Variants in STIM2 observed in about 807,000 individuals in gnomAD.
The protein encoded by STIM2 is stromal interaction molecule 2.
Under a neutral mutation model 85.8 loss-of-function variants are expected in STIM2, and 31 were observed. The observed-to-expected ratio is 0.36, with a 90% CI of 0.27 to 0.49. STIM2 has a LOEUF of 0.49. STIM2 is among the 20% of genes least tolerant of loss of function. The pLI is 0.98. For missense variants in STIM2, 841 were observed against 927.6 expected (o/e 0.91, Z 1.21); for synonymous variants, 356 against 331.1 (o/e 1.08, Z -0.82).
At chr4:26,960,776 T>C (rs1284227134) in intron 3 of STIM2, among the ~76,000 whole-genome samples, 5 of 152,120 alleles carry the variant, frequency 3.3e-5, no homozygotes, top group Admixed American at 3.3e-4. Flanking sequence ...ATAAAAATAC[T>C]AGTACAGGCC....
intron 7 of STIM2, among the ~76,000 whole-genome samples, chr4:27,005,444 T>G (rs991789209): frequency 5.3e-5 from 8 of 152,218 alleles, no homozygotes; most frequent in African/African-American, 1.9e-4. Flanking sequence ...GAAAAGAAGT[T>G]TTCAGATGTT....
At chr4:27,021,644 TAAAAATCACTTTA>T (rs1560243972) in intron 11 of STIM2, 1 of 456,670 alleles carries the variant, frequency 2.2e-6, no homozygotes, top group Non-Finnish European at 4.4e-6. Context: ...CTTGAGTTTT[TAAAAATCACTTTA>T]ATGGCTGTGT....
chr4:26,959,593 G>A (rs931812290), intron 3 of STIM2, among the ~76,000 whole-genome samples: 12 of 151,908 alleles, frequency 7.9e-5, no homozygotes, highest in Non-Finnish European at 1.5e-4. Context: ...AATGTTGTAT[G>A]TTTTGTTTAT....
rs957221135 is a variant in STIM2, at chr4:27,024,147, A to G, written c.*1151A>G. ...GTAGTTTGAAATGTAAAAATGTTCT[A>G]ATATCAAGATTAACAAATATAAATT... On this transcript the variant is annotated 3_prime_UTR_variant, in exon 12 of 12. Transcript: ENST00000467087. 6.6e-6 allele frequency: 1 copy of G among 152,218 alleles called. No homozygotes were observed. The highest frequency in any genetic ancestry group is 1.5e-5 in the Non-Finnish European group (1 of 67,948). 9.4% of individuals were successfully genotyped at this position (152,218 alleles called of 1,614,324 possible).
intron 2 of STIM2, among the ~76,000 whole-genome samples, chr4:26,946,706 A>G (rs79756935): frequency 5.3e-4 from 80 of 152,350 alleles, no homozygotes; most frequent in Non-Finnish European, 9.7e-4. Context: ...GAATGGCTTT[A>G]TATCCCTTAA....
chr4:26,974,122 G>GT (rs1425258027), intron 3 of STIM2, among the ~76,000 whole-genome samples: 1 of 152,028 alleles, frequency 6.6e-6, no homozygotes, highest in African/African-American at 2.4e-5. Context: ...TTGAGCCTAT[G>GT]TAAGTCTTTG....
intron 10 of STIM2, among the ~76,000 whole-genome samples, chr4:27,016,482 G>A (rs1463579922): frequency 2.6e-5 from 4 of 152,166 alleles, no homozygotes; most frequent in African/African-American, 9.7e-5. Context: ...CAAGTTGGGA[G>A]CAGTTTTTTA....
Position 26,972,224 on chromosome 4 carries a change from C to G in STIM2, c.397+14498C>G, listed in dbSNP as rs181808206. 1.6e-3 allele frequency among the ~76,000 whole-genome samples: 240 copies of G among 152,238 alleles called. 1 individual carries two copies. Among genetic ancestry groups the G allele is most frequent in the Non-Finnish European group, 6.8e-4 (46 of 68,008 alleles). On this transcript the variant is annotated intron_variant, in intron 3 of 11. Transcript: ENST00000467087. ...GACTTCCTCCTTTCCTAATTGAATACCCTTTATTTCTTTCTCTTGCCTGAT... is the reference window on the plus strand; with the variant it reads ...GACTTCCTCCTTTCCTAATTGAATAGCCTTTATTTCTTTCTCTTGCCTGAT...
At position 27,019,596 on chromosome 4, in the gene STIM2, GAA is replaced by G. The variant is rs199974748; in HGVS notation, c.1763+1615_1763+1616del. 892 of 853,892 alleles carry G rather than the reference GAA, an allele frequency of 1.0e-3. 4 individuals are homozygous for G. In the African/African-American group the frequency reaches 0.014, roughly 13 times the overall value. The allele number at this position is 853,892 out of a possible 1,614,324, so 52.9% of individuals were successfully genotyped here. ...TAAATAAGAGAATGATTTGAATTTG[GAA>G]AACTTTTCTTCCTCTTCATTTTCAG... On this transcript the variant is annotated intron_variant, in intron 11 of 11. Coordinates refer to ENST00000467087, the MANE Select transcript of STIM2 (RefSeq NM_020860.4).
chr4:27,022,773 G>A lies in STIM2; in HGVS notation c.2018G>A (p.Gly673Asp). The A allele has an allele frequency of 6.2e-7, 1 of 1,614,192 alleles. No homozygotes were observed. The highest frequency in any genetic ancestry group is 1.1e-5 in the South Asian group (1 of 91,086). The change falls in exon 12 of 12, where the codon GGC becomes GAC. Residue 673 changes from glycine to aspartate, a missense_variant. Gly to Asp is a moderately conservative substitution (Grantham distance 94, BLOSUM62 -1). Transcript: ENST00000467087. ...AGTCCTGCAAGCAAAGTGTACAATG[G>A]CATTTTGGAGAAATCCTGTAGCATG...
chr4:26,865,580 A>G (rs538961554), intron 1 of STIM2, among the ~76,000 whole-genome samples: 48 of 152,274 alleles, frequency 3.2e-4, no homozygotes, highest in African/African-American at 1.1e-3. Flanking sequence ...TGGTGTGAAC[A>G]CTTTCACAAT....
chr4:26,887,222 C>T (rs1359137773), intron 1 of STIM2, among the ~76,000 whole-genome samples: 1 of 123,538 alleles, frequency 8.1e-6, no homozygotes, highest in African/African-American at 2.8e-5. Flanking sequence ...CTTGCCTTGT[C>T]CGTGATCCCT....
chr4:26,891,748 G>A (rs1453040756), intron 1 of STIM2, among the ~76,000 whole-genome samples: 1 of 152,092 alleles, frequency 6.6e-6, no homozygotes, highest in African/African-American at 2.4e-5. Context: ...ATTTTAGGAG[G>A]GACTAGCTAA....
intron 2 of STIM2, among the ~76,000 whole-genome samples, chr4:26,946,439 G>A (rs1725834547): frequency 6.6e-6 from 1 of 152,200 alleles, no homozygotes; most frequent in South Asian, 2.1e-4. Flanking sequence ...AGTAATGGAG[G>A]AAGAATCTGA....
Position 26,957,680 on chromosome 4 carries a change from A to G in STIM2, c.351A>G (p.Lys117=), listed in dbSNP as rs775381119. The change falls in exon 3 of 12, where the codon AAA becomes AAG. Residue 117 remains lysine (K), a synonymous_variant. Transcript: ENST00000467087. ...ACAGCCATCTGCACAGAGAAGATAA[A>G]CATATAACGATTGAGGATTTATGGA... 17 of 1,596,642 alleles carry G rather than the reference A, an allele frequency of 1.1e-5. No individual in the cohort carries two copies. The East Asian group carries it at 3.6e-4, about 34-fold the overall frequency.
At chr4:27,012,446 TA>T (rs1728591643) in intron 10 of STIM2, among the ~76,000 whole-genome samples, 1 of 33,542 alleles carries the variant, frequency 3.0e-5, no homozygotes, top group African/African-American at 7.8e-5. Context: ...TTGCTTTTTT[TA>T]AAAAAAGATT....
chr4:26,922,330 A>G (rs1386315161), intron 2 of STIM2, among the ~76,000 whole-genome samples: 1 of 152,176 alleles, frequency 6.6e-6, no homozygotes, highest in Non-Finnish European at 1.5e-5. Flanking sequence ...TTAGTCATTT[A>G]CAATATGACA....
At chr4:26,987,667 T>C (rs929673716) in intron 3 of STIM2, among the ~76,000 whole-genome samples, 1 of 152,180 alleles carries the variant, frequency 6.6e-6, no homozygotes, top group Non-Finnish European at 1.5e-5. Flanking sequence ...AGGAATCACC[T>C]CCATGATGAA....
At chr4:26,910,059 A>T (rs2109058713) in intron 1 of STIM2, among the ~76,000 whole-genome samples, 1 of 152,242 alleles carries the variant, frequency 6.6e-6, no homozygotes, top group South Asian at 2.1e-4. Flanking sequence ...TTTTCATTAA[A>T]TTTTCAATAG....
Sources: gnomAD v4.1 joint callset for allele counts (sites outside exome capture counted in the v4.1 genomes callset) on GRCh38, gnomAD v4.1.1 for gene constraint, MANE v1.5 for transcripts, NCBI Gene and HGNC (gene_info 2026-07-23, HGNC 2026-07-21) for gene names.